WWP1: variants seen among roughly 807,000 people sequenced by gnomAD.
The protein encoded by WWP1 is NEDD4-like E3 ubiquitin-protein ligase WWP1.
In WWP1, 49 loss-of-function variants were observed where a neutral mutation model predicts 130.6. That is an observed-to-expected ratio of 0.38 (90% CI 0.30 to 0.48). WWP1 has a LOEUF of 0.48. Ranked by LOEUF, WWP1 falls within the 20% of genes least tolerant of loss-of-function variation. The probability of loss-of-function intolerance (pLI) is 0.99; values close to 1 mark genes in which losing one functional copy is unlikely to be tolerated. For synonymous variants in WWP1, 332 were observed against 367.8 expected (o/e 0.90, Z 1.11); for missense variants, 809 against 1,100.6 (o/e 0.74, Z 3.75).
chr8:86,443,534 T>G (rs1416298307), intron 18 of WWP1, among the ~76,000 whole-genome samples: 2 of 152,242 alleles, frequency 1.3e-5, no homozygotes, highest in African/African-American at 2.4e-5. Context: ...ATCTATTAAT[T>G]CATTCAGCAA....
intron 18 of WWP1, among the ~76,000 whole-genome samples, chr8:86,445,604 C>T (rs13256765): frequency 0.27 from 41,047 of 151,968 alleles, 6,408 homozygotes; most frequent in East Asian, 0.54. Flanking sequence ...TTGTGAGTAG[C>T]GCTGTGGGGA....
intron 17 of WWP1, among the ~76,000 whole-genome samples, 180 bp downstream of exon 17, chr8:86,438,853 T>C (rs1282393031): frequency 3.9e-5 from 6 of 152,176 alleles, no homozygotes; most frequent in African/African-American, 1.4e-4. Flanking sequence ...TATCTTTCTA[T>C]ACATCTTTAC....
intron 3 of WWP1, among the ~76,000 whole-genome samples, chr8:86,376,568 CA>C (rs923317154): frequency 1.5e-4 from 21 of 140,704 alleles, no homozygotes; most frequent in Admixed American, 2.1e-4. Context: ...GGCTCTGTCT[CA>C]AAAAAAAAAG....
intron 1 of WWP1, among the ~76,000 whole-genome samples, chr8:86,354,420 G>C (rs1823137948): frequency 6.6e-6 from 1 of 152,036 alleles, no homozygotes; most frequent in South Asian, 2.1e-4. Flanking sequence ...GTCAGATTTT[G>C]TTGCTAAATG....
chr8:86,372,659 A>G lies in WWP1; in HGVS notation c.-21-1371A>G, dbSNP rs536961550. Among the ~76,000 whole-genome samples, 101 of 152,180 alleles carry G rather than the reference A, an allele frequency of 6.6e-4. 1 individual carries two copies. The highest frequency in any genetic ancestry group is 2.3e-3 in the African/African-American group (97 of 41,520). ...ATTTTTTTTCCATATGGATAATTCCAGGTTTCTTTAAGTGTCCCTCTTTTC... is the reference window on the plus strand; with the variant it reads ...ATTTTTTTTCCATATGGATAATTCCGGGTTTCTTTAAGTGTCCCTCTTTTC... On this transcript the variant is annotated intron_variant, in intron 2 of 24. Transcript: ENST00000517970.
intron 24 of WWP1, among the ~76,000 whole-genome samples, chr8:86,463,791 TG>T (rs1191711495): frequency 1.3e-5 from 2 of 151,870 alleles, no homozygotes; most frequent in African/African-American, 4.8e-5. Context: ...CCAGGCACGG[TG>T]GCTCACACCT....
intron 11 of WWP1, among the ~76,000 whole-genome samples, chr8:86,430,429 T>A (rs1230695292): frequency 1.3e-5 from 2 of 151,904 alleles, no homozygotes; most frequent in African/African-American, 2.4e-5. Flanking sequence ...TTTAGGCATG[T>A]GCCAACACAT....
In WWP1 at chr8:86,423,116, T is replaced by C. The variant is rs148567247; in HGVS notation, c.1062-2107T>C. On this transcript the variant is annotated intron_variant, in intron 9 of 24. Coordinates refer to ENST00000517970, the MANE Select transcript of WWP1 (RefSeq NM_007013.4). ...ATTAGTGTTTATTGAATACCTAAAA[T>C]GTATTCAGACAAAAATAGACTAGAA... Among the ~76,000 whole-genome samples, 1,031 of 151,386 alleles carry C rather than the reference T, an allele frequency of 6.8e-3. 13 individuals are homozygous for C. The highest frequency in any genetic ancestry group is 0.063 in the East Asian group (324 of 5,166).
At chr8:86,407,695 A>T (rs543811993) in intron 8 of WWP1, among the ~76,000 whole-genome samples, 1 of 152,230 alleles carries the variant, frequency 6.6e-6, no homozygotes, top group African/African-American at 2.4e-5. Flanking sequence ...GAATTATTGA[A>T]TAGAAATAAT....
At chr8:86,370,477 G>A (rs569649294) in intron 2 of WWP1, among the ~76,000 whole-genome samples, 2 of 152,276 alleles carry the variant, frequency 1.3e-5, no homozygotes, top group East Asian at 3.9e-4. Flanking sequence ...AAGACTGACA[G>A]CTTGTTATTT....
At chr8:86,441,624 A>AGTT (rs10686285) in intron 17 of WWP1, among the ~76,000 whole-genome samples, 95,416 of 151,870 alleles carry the variant, frequency 0.63, 30,838 homozygotes, top group African/African-American at 0.78. Flanking sequence ...GCTGAATCAG[A>AGTT]GTTGTTTCCC....
At chr8:86,434,000 C>T (rs542141104) in intron 14 of WWP1, among the ~76,000 whole-genome samples, 1 of 152,232 alleles carries the variant, frequency 6.6e-6, no homozygotes, top group South Asian at 2.1e-4. Flanking sequence ...ATTCTAGTTA[C>T]CTCAACTTCA....
At chr8:86,442,909 G>A (rs1304359392) in intron 18 of WWP1, 131 bp downstream of exon 18, 33 of 916,428 alleles carry the variant, frequency 3.6e-5, no homozygotes, top group Non-Finnish European at 4.4e-5. Context: ...AAGTTTCCCT[G>A]GAGAGTGTAA....
At chr8:86,440,120 CAT>C (rs1302626280) in intron 17 of WWP1, among the ~76,000 whole-genome samples, 2 of 152,120 alleles carry the variant, frequency 1.3e-5, no homozygotes, top group Non-Finnish European at 2.9e-5. Flanking sequence ...AATGTTCAGA[CAT>C]AAGAAAGGTA....
In WWP1 at chr8:86,435,322, A is replaced by G. The variant is rs962172653; in HGVS notation, c.1602-130A>G. Reference sequence around the variant, plus strand: ...GCTTCTTTTGGCCCACCATGTATGTATACCCTTCTCTCCCAGCAGAAATCT... The same window carrying G: ...GCTTCTTTTGGCCCACCATGTATGTGTACCCTTCTCTCCCAGCAGAAATCT... On this transcript the variant is annotated intron_variant, in intron 14 of 24. Coordinates refer to ENST00000517970, the MANE Select transcript of WWP1 (RefSeq NM_007013.4). 11 of 912,892 alleles carry G rather than the reference A, an allele frequency of 1.2e-5. 1 individual carries two copies. The highest frequency in any genetic ancestry group is 6.6e-4 in the Middle Eastern group (2 of 3,010). The allele number at this position is 912,892 out of a possible 1,614,324, so 56.5% of individuals were successfully genotyped here.
At chr8:86,439,770 C>T (rs1810495261) in intron 17 of WWP1, among the ~76,000 whole-genome samples, 1 of 152,148 alleles carries the variant, frequency 6.6e-6, no homozygotes, top group African/African-American at 2.4e-5. Flanking sequence ...CTGCCCCAGC[C>T]TAATTTGGCA....
chr8:86,348,192 A>G (rs1286086321), intron 1 of WWP1, among the ~76,000 whole-genome samples: 1 of 151,998 alleles, frequency 6.6e-6, no homozygotes, highest in Admixed American at 6.6e-5. Context: ...GAAGAGTAGC[A>G]TTTGTTGATT....
chr8:86,435,421 G>A (rs1810237913), intron 14 of WWP1, 31 bp from the exon 15 acceptor site: 2 of 1,607,346 alleles, frequency 1.2e-6, no homozygotes, highest in Non-Finnish European at 8.5e-7. Context: ...TTTATTATGA[G>A]TTAATTTGGT....
At chr8:86,395,298 C>T (rs1381366743) in intron 5 of WWP1, among the ~76,000 whole-genome samples, 8 of 152,120 alleles carry the variant, frequency 5.3e-5, no homozygotes, top group African/African-American at 1.9e-4. Flanking sequence ...GTTATTAACT[C>T]GCCATTGTAA....
Sources: allele counts gnomAD v4.1 joint callset (sites outside exome capture counted in the v4.1 genomes callset), GRCh38; gene constraint gnomAD v4.1.1; transcripts MANE v1.5; gene names NCBI Gene and HGNC (gene_info 2026-07-23, HGNC 2026-07-21).